CDCA7L: variants seen among roughly 807,000 people sequenced by gnomAD.
The protein encoded by CDCA7L is cell division cycle-associated 7-like protein.
In CDCA7L, 44 loss-of-function variants were observed where a neutral mutation model predicts 57.4. That is an observed-to-expected ratio of 0.77 (90% CI 0.60 to 0.98). CDCA7L has a LOEUF of 0.98. Among genes scored for constraint, CDCA7L ranks in the 50% least tolerant of loss-of-function variants. The pLI is 0.00. For missense variants in CDCA7L, 644 were observed against 580.6 expected (o/e 1.11, Z -1.12); for synonymous variants, 236 against 202.8 (o/e 1.16, Z -1.39).
chr7:21,925,108 CA>C (rs894487591), intron 1 of CDCA7L, among the ~76,000 whole-genome samples: 4 of 151,516 alleles, frequency 2.6e-5, no homozygotes, highest in Non-Finnish European at 2.9e-5. Flanking sequence ...AACAAACAAA[CA>C]AAAAAAGGTA....
chr7:21,910,671 AG>A (rs1301802076), intron 3 of CDCA7L, among the ~76,000 whole-genome samples: 12 of 152,254 alleles, frequency 7.9e-5, no homozygotes, highest in Non-Finnish European at 1.5e-5. Flanking sequence ...TGTGCCTTAA[AG>A]TTACCTTCAG....
intron 1 of CDCA7L, among the ~76,000 whole-genome samples, chr7:21,934,721 G>A (rs1472457204): frequency 6.6e-6 from 1 of 151,970 alleles, no homozygotes; most frequent in Non-Finnish European, 1.5e-5. Context: ...AAAAGTAAAA[G>A]GACAGAAAAA....
chr7:21,939,719 G>A (rs1200199642), intron 1 of CDCA7L, among the ~76,000 whole-genome samples: 2 of 152,048 alleles, frequency 1.3e-5, no homozygotes, highest in Non-Finnish European at 2.9e-5. Context: ...CTGCCACATG[G>A]TACTTAATAC....
intron 1 of CDCA7L, among the ~76,000 whole-genome samples, chr7:21,930,188 G>T (rs1040816316): frequency 1.3e-5 from 2 of 152,148 alleles, no homozygotes; most frequent in African/African-American, 4.8e-5. Context: ...CAACTACATT[G>T]AAACTGAACA....
intron 1 of CDCA7L, among the ~76,000 whole-genome samples, chr7:21,922,236 G>T (rs1238777819): frequency 3.3e-5 from 5 of 152,152 alleles, no homozygotes; most frequent in African/African-American, 1.2e-4. Flanking sequence ...AGGACTGCAG[G>T]TTTCCCTTAT....
Position 21,912,684 on chromosome 7 carries a change from G to A in CDCA7L, c.166-930C>T, listed in dbSNP as rs149198044. Among the ~76,000 whole-genome samples the A allele has an allele frequency of 1.7e-3, 266 of 152,282 alleles. 1 individual carries two copies. Among genetic ancestry groups the A allele is most frequent in the Non-Finnish European group, 3.3e-3 (224 of 68,016 alleles). On this transcript the variant is annotated intron_variant, in intron 2 of 9. Coordinates refer to ENST00000406877, the MANE Select transcript of CDCA7L (RefSeq NM_018719.5). The stretch of plus-strand genomic sequence containing the variant: ...AGCCCCCACCGCCCACCACCAGAGA[G>A]CCTAGACTTGCTCCATGAGCAGACA...
At chr7:21,941,760 C>T (rs1786346814) in intron 1 of CDCA7L, among the ~76,000 whole-genome samples, 2 of 152,168 alleles carry the variant, frequency 1.3e-5, no homozygotes, top group African/African-American at 4.8e-5. Context: ...TCAATTTAGC[C>T]TTATCTTTAA....
Position 21,902,259 on chromosome 7 carries a change from A to AATGGTATGCATGTCTT in CDCA7L, c.*47_*62dup. On this transcript the variant is annotated 3_prime_UTR_variant, in exon 10 of 10. Transcript: ENST00000406877. ...TGTAAAAAAATCTTTCTTAGGCACC[A>AATGGTATGCATGTCTT]ATGGTATGCATGTCTTGTTGGAGTA... 1 of 1,450,880 alleles carries AATGGTATGCATGTCTT rather than the reference A, an allele frequency of 6.9e-7. No homozygotes were observed. The highest frequency in any genetic ancestry group is 9.7e-7 in the Non-Finnish European group (1 of 1,032,692). The allele number at this position is 1,450,880 out of a possible 1,614,324, so 89.9% of individuals were successfully genotyped here.
chr7:21,932,550 G>A (rs1330880702), intron 1 of CDCA7L, among the ~76,000 whole-genome samples: 3 of 152,190 alleles, frequency 2.0e-5, no homozygotes, highest in African/African-American at 7.2e-5. Context: ...AAGCAGTGGG[G>A]AAAGGATTCC....
In CDCA7L at chr7:21,902,272, T is replaced by A. The variant is rs1379628897; in HGVS notation, c.*50A>T. 2 of 1,564,632 alleles carry A rather than the reference T, an allele frequency of 1.3e-6. No individual in the cohort carries two copies. Among genetic ancestry groups the A allele is most frequent in the East Asian group, 2.2e-5 (1 of 44,630 alleles). ...TTCTTAGGCACCAATGGTATGCATGTCTTGTTGGAGTACTCTATGGTGAGG... is the reference window on the plus strand; with the variant it reads ...TTCTTAGGCACCAATGGTATGCATGACTTGTTGGAGTACTCTATGGTGAGG... On this transcript the variant is annotated 3_prime_UTR_variant, in exon 10 of 10. Transcript: ENST00000406877.
At chr7:21,944,742 G>C (rs897496869) in intron 1 of CDCA7L, 12 of 152,222 alleles carry the variant, frequency 7.9e-5, no homozygotes, top group Non-Finnish European at 1.8e-4. Context: ...CGGGCGCCGG[G>C]CACTCTGCGC....
At chr7:21,910,117 A>G (rs1418725797) in intron 3 of CDCA7L, among the ~76,000 whole-genome samples, 1 of 152,210 alleles carries the variant, frequency 6.6e-6, no homozygotes, top group Non-Finnish European at 1.5e-5. Context: ...GTGGGAGGGA[A>G]GACTTCTGGG....
chr7:21,912,370 G>A (rs1785360036), intron 2 of CDCA7L, among the ~76,000 whole-genome samples: 1 of 152,096 alleles, frequency 6.6e-6, no homozygotes, highest in South Asian at 2.1e-4. Flanking sequence ...AGACCTACAA[G>A]ACAGACAATT....
At chr7:21,944,513 A>AATCG (rs1786451756) in intron 1 of CDCA7L, among the ~76,000 whole-genome samples, 1 of 151,636 alleles carries the variant, frequency 6.6e-6, no homozygotes, top group Admixed American at 6.6e-5. Flanking sequence ...AAAAATAAAA[A>AATCG]ATCGAACCCT....
chr7:21,924,828 A>C (rs1158380968), intron 1 of CDCA7L, among the ~76,000 whole-genome samples: 1 of 152,252 alleles, frequency 6.6e-6, no homozygotes. Flanking sequence ...GGGAGAAAAT[A>C]TCTGCAAATG....
chr7:21,942,805 T>C (rs947419047), intron 1 of CDCA7L, among the ~76,000 whole-genome samples: 1 of 152,178 alleles, frequency 6.6e-6, no homozygotes, highest in South Asian at 2.1e-4. Flanking sequence ...AATACAAGAC[T>C]ATTAGAGTGG....
chr7:21,940,107 G>C (rs1053038472), intron 1 of CDCA7L, among the ~76,000 whole-genome samples: 2 of 152,188 alleles, frequency 1.3e-5, no homozygotes, highest in Non-Finnish European at 2.9e-5. Context: ...GACAGATGCA[G>C]TGGCAGAGGG....
chr7:21,931,977 T>A (rs1242666511), intron 1 of CDCA7L, among the ~76,000 whole-genome samples: 2 of 152,138 alleles, frequency 1.3e-5, no homozygotes, highest in Non-Finnish European at 2.9e-5. Flanking sequence ...GGATACAAAA[T>A]TAATGTGCAA....
intron 7 of CDCA7L, among the ~76,000 whole-genome samples, chr7:21,904,529 C>T (rs1198270498): frequency 1.3e-5 from 2 of 152,230 alleles, no homozygotes; most frequent in Non-Finnish European, 2.9e-5. Context: ...GCTCTGCCTC[C>T]TGTCAGATCA....
Sources: allele counts gnomAD v4.1 joint callset (sites outside exome capture counted in the v4.1 genomes callset), GRCh38; gene constraint gnomAD v4.1.1; transcripts MANE v1.5; gene names NCBI Gene and HGNC (gene_info 2026-07-23, HGNC 2026-07-21).